IL1RAPL2: variants seen among roughly 807,000 people sequenced by gnomAD.
IL1RAPL2 encodes interleukin 1 receptor accessory protein like 2.
In IL1RAPL2, 3 loss-of-function variants were observed where a neutral mutation model predicts 44.1. The observed-to-expected ratio is 0.07, with a 90% confidence interval of 0.03 to 0.18. The LOEUF (loss-of-function observed/expected upper bound fraction) is 0.18, where lower values mean the gene tolerates loss of function less well. Ranked by LOEUF, IL1RAPL2 falls within the 10% of genes least tolerant of loss-of-function variation. The probability of loss-of-function intolerance (pLI) is 1.00; values close to 1 mark genes in which losing one functional copy is unlikely to be tolerated. For missense variants in IL1RAPL2, 391 were observed against 496.4 expected (o/e 0.79, Z 2.02); for synonymous variants, 181 against 178.8 (o/e 1.01, Z -0.10).
intron 2 of IL1RAPL2, among the ~76,000 whole-genome samples, chrX:104,954,565 A>G (rs1569350710): frequency 9.1e-6 from 1 of 110,083 alleles, no homozygotes; most frequent in South Asian, 3.9e-4. Context: ...TTTTGGAGAC[A>G]GGGTCTAGCT....
chrX:104,794,726 G>T (rs1313165623), intron 2 of IL1RAPL2, among the ~76,000 whole-genome samples: 3 of 111,932 alleles, frequency 2.7e-5, no homozygotes, highest in Non-Finnish European at 3.8e-5. Flanking sequence ...GTGCCTATTT[G>T]TAAGTAGTAT....
At chrX:104,732,893 A>C (rs1931947704) in intron 2 of IL1RAPL2, among the ~76,000 whole-genome samples, 1 of 111,725 alleles carries the variant, frequency 9.0e-6, no homozygotes, top group Non-Finnish European at 1.9e-5. Context: ...AGCAGGTTAA[A>C]TCCATTAATA....
At chrX:104,853,887 A>G (rs780120218) in intron 2 of IL1RAPL2, among the ~76,000 whole-genome samples, 125 of 82,060 alleles carry the variant, frequency 1.5e-3, no homozygotes, top group Non-Finnish European at 2.3e-3. Flanking sequence ...TGGGCGACAG[A>G]GCGAGACTCC....
chrX:104,976,073 C>T (rs1453293643), intron 2 of IL1RAPL2, among the ~76,000 whole-genome samples: 1 of 111,087 alleles, frequency 9.0e-6, no homozygotes, highest in East Asian at 2.8e-4. Flanking sequence ...TAAGTCCAAT[C>T]GTAAAATGTC....
chrX:104,732,702 A>G (rs186237905), intron 2 of IL1RAPL2, among the ~76,000 whole-genome samples: 2 of 112,059 alleles, frequency 1.8e-5, no homozygotes, highest in African/African-American at 3.2e-5. Context: ...ATTTTCAAAG[A>G]ACAGATAATC....
chrX:105,574,703 G>A (rs1464634317), intron 6 of IL1RAPL2, among the ~76,000 whole-genome samples: 2 of 111,850 alleles, frequency 1.8e-5, no homozygotes, highest in African/African-American at 6.5e-5. Context: ...TTTGCTGTCT[G>A]TGACAGCACT....
At chrX:104,951,032 T>C (rs894324382) in intron 2 of IL1RAPL2, among the ~76,000 whole-genome samples, 3 of 111,909 alleles carry the variant, frequency 2.7e-5, no homozygotes, top group African/African-American at 9.7e-5. Context: ...TCGCCCTGCT[T>C]CGGCTCGCTC....
At chrX:105,354,203 G>C (rs180738479) in intron 5 of IL1RAPL2, among the ~76,000 whole-genome samples, 3 of 111,050 alleles carry the variant, frequency 2.7e-5, no homozygotes, top group Non-Finnish European at 3.8e-5. Flanking sequence ...ACATGCACAC[G>C]TATGTTTATT....
intron 2 of IL1RAPL2, among the ~76,000 whole-genome samples, chrX:104,765,198 GT>G (rs1012709149): frequency 8.1e-5 from 9 of 111,063 alleles, no homozygotes; most frequent in African/African-American, 2.6e-4. Flanking sequence ...GTTTTGTTTT[GT>G]TTTTTACTGG....
chrX:105,707,297 A>G (rs73531012), intron 6 of IL1RAPL2, among the ~76,000 whole-genome samples: 2,217 of 111,780 alleles, frequency 0.02, 39 homozygotes, highest in African/African-American at 0.069. Context: ...ATTATTTATT[A>G]TTTGTACCCT....
chrX:105,307,246 G>A (rs1303347975), intron 5 of IL1RAPL2, among the ~76,000 whole-genome samples: 1 of 101,775 alleles, frequency 9.8e-6, no homozygotes, highest in Non-Finnish European at 2.0e-5. Flanking sequence ...TGGCAACATA[G>A]TGAGACCACA....
chrX:105,508,665 A>G (rs2036448410), intron 6 of IL1RAPL2, among the ~76,000 whole-genome samples: 1 of 90,476 alleles, frequency 1.1e-5, no homozygotes, highest in South Asian at 4.0e-4. Context: ...AAAAAAATGA[A>G]AGCTTTTTTT....
intron 2 of IL1RAPL2, among the ~76,000 whole-genome samples, chrX:104,905,198 T>TA (rs1477072111): frequency 1.8e-5 from 2 of 112,056 alleles, no homozygotes; most frequent in Non-Finnish European, 3.8e-5. Flanking sequence ...AGATTCTGGA[T>TA]ATTAGTCCTT....
In IL1RAPL2 at chrX:104,593,386, G is replaced by A. The variant is rs757122299; in HGVS notation, c.-20+26335G>A. On this transcript the variant is annotated intron_variant, in intron 1 of 10. Coordinates refer to ENST00000372582, the MANE Select transcript of IL1RAPL2 (RefSeq NM_017416.2). ...TGGGGAGAAACCATTGCTAGAAAGA[G>A]CACTAAACTTCAACTTCAGAAAACC... Among the ~76,000 whole-genome samples, 3 of 112,090 alleles carry A rather than the reference G, an allele frequency of 2.7e-5. No individual in the cohort carries two copies. The East Asian group carries it at 8.5e-4, about 32-fold the overall frequency.
At chrX:105,594,041 T>A (rs1459329170) in intron 6 of IL1RAPL2, among the ~76,000 whole-genome samples, 1 of 112,408 alleles carries the variant, frequency 8.9e-6, no homozygotes, top group East Asian at 2.8e-4. Context: ...ATGATCAATA[T>A]TTTAATATAA....
chrX:105,220,482 C>A, intron 3 of IL1RAPL2: 1 of 875,771 alleles, frequency 1.1e-6, no homozygotes, highest in East Asian at 3.4e-5. Flanking sequence ...AGCCCCTCCC[C>A]TCATCCATCT....
intron 2 of IL1RAPL2, among the ~76,000 whole-genome samples, chrX:105,082,022 A>G (rs759670688): frequency 8.1e-5 from 9 of 111,198 alleles, no homozygotes; most frequent in South Asian, 3.7e-4. Flanking sequence ...CTCTTTTTCT[A>G]TTTGTTGGAA....
rs2038297819 is a variant in IL1RAPL2, at chrX:105,720,877, T to C, written c.902+3381T>C. Among the ~76,000 whole-genome samples, 2 of 109,847 alleles carry C rather than the reference T, an allele frequency of 1.8e-5. 1 individual carries two copies. Among genetic ancestry groups the C allele is most frequent in the Admixed American group, 1.9e-4 (2 of 10,287 alleles). Reference sequence around the variant, plus strand: ...GTATATAGAGTTCCTATATACCCCATACCCCGTTTCCCCAATTATCGACAT... The same window carrying C: ...GTATATAGAGTTCCTATATACCCCACACCCCGTTTCCCCAATTATCGACAT... On this transcript the variant is annotated intron_variant, in intron 7 of 10. Transcript: ENST00000372582.
At chrX:105,533,645 A>G (rs1415902073) in intron 6 of IL1RAPL2, among the ~76,000 whole-genome samples, 1 of 112,468 alleles carries the variant, frequency 8.9e-6, no homozygotes, top group African/African-American at 3.2e-5. Flanking sequence ...AACCACTGTT[A>G]TGTTCTTTGT....
Sources: allele counts gnomAD v4.1 joint callset (sites outside exome capture counted in the v4.1 genomes callset), GRCh38; gene constraint gnomAD v4.1.1; transcripts MANE v1.5; gene names NCBI Gene and HGNC (gene_info 2026-07-23, HGNC 2026-07-21).